Variants in FBXL13 observed in about 807,000 individuals in gnomAD.
FBXL13 encodes the protein F-box and leucine-rich repeat protein 13.
Under a neutral mutation model 83.6 loss-of-function variants are expected in FBXL13, and 67 were observed. That is an observed-to-expected ratio of 0.80 (90% CI 0.66 to 0.98). The LOEUF (loss-of-function observed/expected upper bound fraction) is 0.98. FBXL13 is among the 50% of genes least tolerant of loss of function. The pLI is 0.00. For missense variants in FBXL13, 822 were observed against 866.5 expected, an observed-to-expected ratio of 0.95 and a Z score of 0.64; for synonymous variants, 272 against 299.5, an observed-to-expected ratio of 0.91 and a Z score of 0.95.
intron 6 of FBXL13, chr7:102,976,262 G>C (rs751326141): frequency 1.4e-6 from 1 of 703,470 alleles, no homozygotes; most frequent in Non-Finnish European, 2.6e-6. Flanking sequence ...ATTAATACCA[G>C]GGCAACCTAT....
chr7:102,850,868 T>C (rs1805097815), intron 17 of FBXL13, among the ~76,000 whole-genome samples: 1 of 152,182 alleles, frequency 6.6e-6, no homozygotes, highest in South Asian at 2.1e-4. Flanking sequence ...AAATTGACAT[T>C]ATGTGACACT....
At chr7:102,858,644 T>C (rs1415478331) in intron 16 of FBXL13, among the ~76,000 whole-genome samples, 1 of 152,198 alleles carries the variant, frequency 6.6e-6, no homozygotes, top group East Asian at 1.9e-4. Flanking sequence ...GTCCATACAA[T>C]GGAATATTAT....
intron 16 of FBXL13, among the ~76,000 whole-genome samples, chr7:102,867,995 C>A (rs961968438): frequency 6.6e-6 from 1 of 151,876 alleles, no homozygotes; most frequent in Non-Finnish European, 1.5e-5. Context: ...AGCCACCGTG[C>A]CCGGCCAGAT....
intron 2 of FBXL13, among the ~76,000 whole-genome samples, chr7:103,039,503 C>T (rs553444728): frequency 5.3e-5 from 8 of 152,204 alleles, no homozygotes; most frequent in Non-Finnish European, 8.8e-5. Flanking sequence ...TTGAGAAGAG[C>T]AACTCCAAGA....
chr7:103,053,656 T>C (rs1797054035), intron 2 of FBXL13, among the ~76,000 whole-genome samples: 1 of 152,204 alleles, frequency 6.6e-6, no homozygotes, highest in Non-Finnish European at 1.5e-5. Context: ...AAAACTATTC[T>C]GGAGTATAGG....
At chr7:102,946,048 A>T (rs1018864868) in intron 8 of FBXL13, among the ~76,000 whole-genome samples, 2 of 152,026 alleles carry the variant, frequency 1.3e-5, no homozygotes, top group Non-Finnish European at 2.9e-5. Flanking sequence ...TGCCTGGCTA[A>T]TTTTTGTATT....
chr7:102,976,058 G>A (rs1463227369), intron 6 of FBXL13: 2 of 766,312 alleles, frequency 2.6e-6, no homozygotes, highest in African/African-American at 3.4e-5. Flanking sequence ...CCCACTGGAA[G>A]TTGGACTGTG....
At chr7:102,950,775 T>C in intron 8 of FBXL13, among the ~76,000 whole-genome samples, 1 of 152,182 alleles carries the variant, frequency 6.6e-6, no homozygotes, top group East Asian at 1.9e-4. Context: ...TACTGTATGA[T>C]TCCAACTATA....
intron 18 of FBXL13, among the ~76,000 whole-genome samples, chr7:102,829,591 G>C (rs1440745121): frequency 6.6e-6 from 1 of 152,170 alleles, no homozygotes; most frequent in African/African-American, 2.4e-5. Flanking sequence ...GTGCACTGCT[G>C]AGTGCTTTGA....
intron 11 of FBXL13, among the ~76,000 whole-genome samples, chr7:102,888,159 G>C (rs776537886): frequency 3.9e-5 from 6 of 152,156 alleles, no homozygotes; most frequent in Non-Finnish European, 8.8e-5. Flanking sequence ...TACTGTGTTG[G>C]ACAACTATGA....
chr7:102,858,679 C>T (rs1468427735), intron 16 of FBXL13, among the ~76,000 whole-genome samples: 1 of 152,216 alleles, frequency 6.6e-6, no homozygotes, highest in African/African-American at 2.4e-5. Context: ...AGTACTGATG[C>T]ATGCTACTAT....
intron 11 of FBXL13, among the ~76,000 whole-genome samples, chr7:102,896,291 T>C (rs769188856): frequency 2.0e-5 from 3 of 152,140 alleles, no homozygotes; most frequent in African/African-American, 4.8e-5. Flanking sequence ...ATGTTGAAAG[T>C]AGACTTGCAG....
intron 6 of FBXL13, among the ~76,000 whole-genome samples, chr7:103,019,033 C>A (rs1276095344): frequency 6.6e-6 from 1 of 152,164 alleles, no homozygotes; most frequent in East Asian, 1.9e-4. Context: ...CTTCGCAGCA[C>A]CACATAGCAC....
intron 2 of FBXL13, among the ~76,000 whole-genome samples, chr7:103,037,333 C>A (rs1795171693): frequency 6.6e-6 from 1 of 152,128 alleles, no homozygotes; most frequent in African/African-American, 2.4e-5. Context: ...GCATTGTCTG[C>A]CTCTCCCAAA....
chr7:102,827,674 C>G (rs1449192952), intron 18 of FBXL13, among the ~76,000 whole-genome samples: 1 of 151,996 alleles, frequency 6.6e-6, no homozygotes. Context: ...TATTCCTCCC[C>G]CCTCCCGCCA....
intron 2 of FBXL13, among the ~76,000 whole-genome samples, chr7:103,048,421 A>G (rs6953456): frequency 0.013 from 1,874 of 146,838 alleles, 40 homozygotes; most frequent in African/African-American, 0.045. Flanking sequence ...TTGATAGTGT[A>G]TTTAAAAGGC....
intron 2 of FBXL13, among the ~76,000 whole-genome samples, chr7:103,033,883 G>T (rs1450878456): frequency 1.3e-5 from 2 of 152,172 alleles, no homozygotes; most frequent in Non-Finnish European, 2.9e-5. Context: ...TGTTTTGACA[G>T]GGCGCTGATT....
At chr7:102,973,281 G>A (rs1826961508) in intron 6 of FBXL13, 1 of 466,966 alleles carries the variant, frequency 2.1e-6, no homozygotes, top group South Asian at 2.0e-5. Context: ...CCAGTCCCAA[G>A]GCACAAGGCC....
chr7:103,048,892 C>CA (rs1401725410), intron 2 of FBXL13, among the ~76,000 whole-genome samples: 2 of 152,180 alleles, frequency 1.3e-5, no homozygotes, highest in East Asian at 3.9e-4. Context: ...AATCTCTTAC[C>CA]AAAAACATGT....
Sources: allele counts gnomAD v4.1 joint callset (sites outside exome capture counted in the v4.1 genomes callset), GRCh38; gene constraint gnomAD v4.1.1; transcripts MANE v1.5; gene names NCBI Gene and HGNC (gene_info 2026-07-23, HGNC 2026-07-21).